Variants in EPHA6 observed in about 807,000 individuals in gnomAD.
The protein encoded by EPHA6 is EPH receptor A6, also known as ephrin type-A receptor 6.
EPHA6 carries 50 observed loss-of-function variants against 112.0 expected under a neutral mutation model. That is an observed-to-expected ratio of 0.45 (90% CI 0.36 to 0.56). The LOEUF (loss-of-function observed/expected upper bound fraction) is 0.56. Among genes scored for constraint, EPHA6 ranks in the 20% least tolerant of loss-of-function variants. EPHA6 has a pLI of 0.00. For synonymous variants in EPHA6, 529 were observed against 490.7 expected (o/e 1.08, Z -1.03); for missense variants, 1,280 against 1,417.4 (o/e 0.90, Z 1.56).
At chr3:97,062,704 C>T (rs891629427) in intron 3 of EPHA6, among the ~76,000 whole-genome samples, 1 of 152,120 alleles carries the variant, frequency 6.6e-6, no homozygotes, top group Non-Finnish European at 1.5e-5. Flanking sequence ...TAAGGGGAAA[C>T]CCCTCTTGCT....
intron 5 of EPHA6, among the ~76,000 whole-genome samples, chr3:97,373,563 A>G (rs1376794679): frequency 2.6e-5 from 4 of 152,142 alleles, no homozygotes; most frequent in Admixed American, 2.6e-4. Flanking sequence ...CAGAAAATTG[A>G]TGCAAGAATG....
intron 3 of EPHA6, among the ~76,000 whole-genome samples, chr3:97,069,953 A>G (rs1249197981): frequency 6.6e-6 from 1 of 152,138 alleles, no homozygotes; most frequent in African/African-American, 2.4e-5. Flanking sequence ...TGTTTCTCTG[A>G]CATCCCTAGC....
intron 6 of EPHA6, among the ~76,000 whole-genome samples, chr3:97,429,990 G>A (rs544375719): frequency 6.6e-6 from 1 of 152,274 alleles, no homozygotes; most frequent in East Asian, 1.9e-4. Context: ...GGCTTACTAA[G>A]CCAGACAAGC....
chr3:97,435,808 T>A (rs2089799028), intron 6 of EPHA6, among the ~76,000 whole-genome samples: 1 of 152,204 alleles, frequency 6.6e-6, no homozygotes, highest in Non-Finnish European at 1.5e-5. Context: ...GATAAATTTG[T>A]TCACTCTTTG....
intron 5 of EPHA6, among the ~76,000 whole-genome samples, chr3:97,404,048 T>A (rs2087169246): frequency 6.6e-6 from 1 of 152,208 alleles, no homozygotes; most frequent in South Asian, 2.1e-4. Flanking sequence ...GGATATAGCA[T>A]AGTTTTTCAA....
chr3:97,656,578 C>T (rs368578266), intron 14 of EPHA6, among the ~76,000 whole-genome samples: 2 of 151,742 alleles, frequency 1.3e-5, no homozygotes, highest in East Asian at 3.9e-4. Context: ...GAAATAAATA[C>T]CTTTTTTTCT....
intron 16 of EPHA6, among the ~76,000 whole-genome samples, chr3:97,737,950 G>A (rs1265976612): frequency 6.6e-6 from 1 of 152,062 alleles, no homozygotes; most frequent in Non-Finnish European, 1.5e-5. Flanking sequence ...AGCCAAAAGA[G>A]GAGAGAGTTT....
Position 97,272,605 on chromosome 3 carries a change from G to T in EPHA6, c.1606+28318G>T, listed in dbSNP as rs967470245. On this transcript the variant is annotated intron_variant, in intron 5 of 17. Transcript: ENST00000389672. The stretch of plus-strand genomic sequence containing the variant: ...GGGTAAGGCCGTTTTATAAGATTTG[G>T]GTAGGTAAAGGAAAATTACAGTCAA... Among the ~76,000 whole-genome samples, 2 of 151,956 alleles carry T rather than the reference G, an allele frequency of 1.3e-5. 1 individual carries two copies. The highest frequency in any genetic ancestry group is 3.9e-4 in the East Asian group (2 of 5,174).
intron 2 of EPHA6, among the ~76,000 whole-genome samples, chr3:96,960,371 T>C (rs148514839): frequency 2.6e-5 from 4 of 152,296 alleles, no homozygotes; most frequent in African/African-American, 9.6e-5. Flanking sequence ...TGTGCCTTAG[T>C]ACTCCCTGGT....
chr3:97,528,326 C>T (rs1315382962), intron 10 of EPHA6, among the ~76,000 whole-genome samples: 2 of 152,054 alleles, frequency 1.3e-5, no homozygotes, highest in African/African-American at 4.8e-5. Flanking sequence ...TTAAAAGGGC[C>T]TGTTGGTGCT....
intron 3 of EPHA6, among the ~76,000 whole-genome samples, chr3:97,214,502 A>G (rs1011951205): frequency 2.0e-5 from 3 of 151,454 alleles, no homozygotes; most frequent in Admixed American, 2.0e-4. Context: ...AAAAAAAAGA[A>G]AAGAAAATTA....
chr3:96,990,297 GAT>G (rs1300312480), intron 3 of EPHA6, among the ~76,000 whole-genome samples: 1 of 152,054 alleles, frequency 6.6e-6, no homozygotes, highest in African/African-American at 2.4e-5. Flanking sequence ...ATTTGGCAAA[GAT>G]AGTTTTGGAC....
intron 2 of EPHA6, among the ~76,000 whole-genome samples, chr3:96,968,084 A>G (rs2042191698): frequency 6.6e-6 from 1 of 151,476 alleles, no homozygotes; most frequent in African/African-American, 2.4e-5. Flanking sequence ...TTTACAATGT[A>G]GTTTTTCTAT....
chr3:97,153,005 G>A (rs2076204954), intron 3 of EPHA6, among the ~76,000 whole-genome samples: 1 of 152,002 alleles, frequency 6.6e-6, no homozygotes, highest in African/African-American at 2.4e-5. Flanking sequence ...TAATCATTCT[G>A]AGAACCTAAA....
At position 97,392,399 on chromosome 3, in the gene EPHA6, T is replaced by A. The variant is rs75832460; in HGVS notation, c.1607-12751T>A. Among the ~76,000 whole-genome samples, 1,130 of 151,782 alleles carry A rather than the reference T, an allele frequency of 7.4e-3. 39 individuals are homozygous for A. In the East Asian group the frequency reaches 0.12, roughly 16 times the overall value. On this transcript the variant is annotated intron_variant, in intron 5 of 17. Transcript: ENST00000389672. Reference sequence around the variant, plus strand: ...CTAAGCTAGCATGGTAAATTGCTAATGCATTCACATATATATGGGGGTGTG... The same window carrying A: ...CTAAGCTAGCATGGTAAATTGCTAAAGCATTCACATATATATGGGGGTGTG...
chr3:97,586,493 T>G (rs892834505), intron 11 of EPHA6, among the ~76,000 whole-genome samples: 2 of 152,180 alleles, frequency 1.3e-5, no homozygotes, highest in Non-Finnish European at 2.9e-5. Context: ...TTTATGGTCT[T>G]ACTTCTGTTA....
intron 2 of EPHA6, among the ~76,000 whole-genome samples, chr3:96,874,822 G>A (rs934502074): frequency 7.2e-5 from 11 of 152,166 alleles, no homozygotes; most frequent in Middle Eastern, 3.4e-3. Context: ...AACATCTGCC[G>A]TAAAGACACA....
intron 5 of EPHA6, among the ~76,000 whole-genome samples, chr3:97,298,007 C>T (rs1224003618): frequency 6.6e-6 from 1 of 152,118 alleles, no homozygotes; most frequent in Non-Finnish European, 1.5e-5. Flanking sequence ...CATGGTCTGC[C>T]CACCTCATCC....
intron 14 of EPHA6, among the ~76,000 whole-genome samples, chr3:97,678,001 G>A (rs1470479223): frequency 1.3e-5 from 2 of 152,126 alleles, no homozygotes; most frequent in African/African-American, 2.4e-5. Context: ...AATACCTGAG[G>A]TTATTTACTC....
Sources: gnomAD v4.1 joint callset for allele counts (sites outside exome capture counted in the v4.1 genomes callset) on GRCh38, gnomAD v4.1.1 for gene constraint, MANE v1.5 for transcripts, NCBI Gene and HGNC (gene_info 2026-07-23, HGNC 2026-07-21) for gene names.